SOS2: variants seen among roughly 807,000 people sequenced by gnomAD.
The protein encoded by SOS2 is son of sevenless homolog 2.
A neutral mutation model predicts 148.2 loss-of-function variants in SOS2; 65 were observed. That is an observed-to-expected ratio of 0.44 (90% CI 0.36 to 0.54). The LOEUF is 0.54. SOS2 is among the 20% of genes least tolerant of loss of function. The pLI is 0.00. For synonymous variants in SOS2, 539 were observed against 537.1 expected (o/e 1.00, Z -0.05); for missense variants, 1,341 against 1,590.2 (o/e 0.84, Z 2.67).
chr14:50,225,372 C>T (rs1887337176), intron 1 of SOS2, among the ~76,000 whole-genome samples: 1 of 152,164 alleles, frequency 6.6e-6, no homozygotes. Flanking sequence ...TTACTGTTCC[C>T]TTGAAAGAGA....
At chr14:50,159,201 A>T (rs184759782) in intron 10 of SOS2, among the ~76,000 whole-genome samples, 1 of 152,232 alleles carries the variant, frequency 6.6e-6, no homozygotes, top group African/African-American at 2.4e-5. Context: ...AAAAAAAAAA[A>T]TTCATGAATA....
chr14:50,228,668 T>C (rs1429123330), intron 1 of SOS2, among the ~76,000 whole-genome samples: 1 of 152,214 alleles, frequency 6.6e-6, no homozygotes, highest in Non-Finnish European at 1.5e-5. Flanking sequence ...CAGAGCCAAG[T>C]AAGCTACATT....
intron 18 of SOS2, among the ~76,000 whole-genome samples, chr14:50,136,419 A>G (rs535852040): frequency 6.6e-6 from 1 of 152,280 alleles, no homozygotes; most frequent in East Asian, 1.9e-4. Context: ...TATAAATACT[A>G]AAAGTACTAT....
At chr14:50,196,786 G>T (rs1364880143) in intron 4 of SOS2, among the ~76,000 whole-genome samples, 2 of 152,050 alleles carry the variant, frequency 1.3e-5, no homozygotes, top group Admixed American at 6.6e-5. Context: ...AAATAGGAAG[G>T]GGAAAAGAAA....
intron 21 of SOS2, 121 bp downstream of exon 21, chr14:50,129,835 TAATTA>T (rs1270536114): frequency 5.0e-6 from 3 of 599,626 alleles, no homozygotes; most frequent in Non-Finnish European, 8.9e-6. Context: ...TGTAAGCAAA[TAATTA>T]AATTTATTTA....
chr14:50,169,829 TTTATAGATA>T (rs1193182283), intron 8 of SOS2, among the ~76,000 whole-genome samples: 2 of 152,052 alleles, frequency 1.3e-5, no homozygotes, highest in South Asian at 4.1e-4. Context: ...ATATATTCAC[TTTATAGATA>T]ATACTTTTTT....
At chr14:50,163,672 A>C (rs1379578975) in intron 8 of SOS2, among the ~76,000 whole-genome samples, 4 of 152,238 alleles carry the variant, frequency 2.6e-5, no homozygotes, top group Admixed American at 2.6e-4. Flanking sequence ...TACTGGCAAA[A>C]TCACTTATTT....
intron 1 of SOS2, among the ~76,000 whole-genome samples, chr14:50,212,622 CTGATTA>C (rs1335020056): frequency 1.3e-5 from 2 of 152,176 alleles, no homozygotes; most frequent in Non-Finnish European, 2.9e-5. Flanking sequence ...TACACATTTT[CTGATTA>C]TATGTTACAC....
At chr14:50,178,746 T>A (rs547454443) in intron 7 of SOS2, among the ~76,000 whole-genome samples, 1,489 of 131,722 alleles carry the variant, frequency 0.011, 21 homozygotes, top group Non-Finnish European at 0.018. Context: ...ATATATATAT[T>A]TTTTGGAGAC....
intron 1 of SOS2, among the ~76,000 whole-genome samples, chr14:50,225,221 C>G (rs566229740): frequency 1.3e-5 from 2 of 152,260 alleles, no homozygotes; most frequent in South Asian, 2.1e-4. Context: ...TCCCAAAGTA[C>G]TAGGATTACA....
intron 21 of SOS2, among the ~76,000 whole-genome samples, chr14:50,121,867 T>C (rs1883525832): frequency 6.6e-6 from 1 of 152,200 alleles, no homozygotes; most frequent in African/African-American, 2.4e-5. Flanking sequence ...TGTCCCGTCT[T>C]TGGGAGAACT....
chr14:50,217,448 C>T (rs1887069055), intron 1 of SOS2, among the ~76,000 whole-genome samples: 1 of 151,948 alleles, frequency 6.6e-6, no homozygotes, highest in Admixed American at 6.6e-5. Flanking sequence ...CCTATAATTG[C>T]AAAACTTTGG....
At chr14:50,201,815 C>T (rs748831436) in intron 2 of SOS2, among the ~76,000 whole-genome samples, 2 of 152,158 alleles carry the variant, frequency 1.3e-5, no homozygotes, top group African/African-American at 2.4e-5. Flanking sequence ...ACTCTCCTTT[C>T]GTTAATCTTA....
chr14:50,143,134 A>T (rs1884348330), intron 16 of SOS2, among the ~76,000 whole-genome samples: 1 of 152,146 alleles, frequency 6.6e-6, no homozygotes, highest in Non-Finnish European at 1.5e-5. Flanking sequence ...TCTAAGTTTT[A>T]ATATCTTTAA....
At chr14:50,151,450 AC>A (rs1409067122) in intron 13 of SOS2, among the ~76,000 whole-genome samples, 1 of 152,192 alleles carries the variant, frequency 6.6e-6, no homozygotes, top group Admixed American at 6.5e-5. Context: ...TTGTGATAGT[AC>A]CCATCCAGTC....
chr14:50,157,170 T>TA (rs1884848808), intron 11 of SOS2, 49 bp from the exon 12 acceptor site: 2 of 1,579,602 alleles, frequency 1.3e-6, no homozygotes, highest in African/African-American at 2.7e-5. Flanking sequence ...ATAATGAAAA[T>TA]ACAAGGAGGA....
At chr14:50,138,920 TAA>T (rs2139551938) in intron 17 of SOS2, 136 bp from the exon 18 acceptor site, 2 of 378,428 alleles carry the variant, frequency 5.3e-6, no homozygotes, top group African/African-American at 2.1e-5. Context: ...ACTAAAATGT[TAA>T]GTCTCTGATA....
At chr14:50,231,835 C>T (rs1887563411), upstream of SOS2, among the ~76,000 whole-genome samples, 1 of 152,194 alleles carries the variant, frequency 6.6e-6, no homozygotes, top group African/African-American at 2.4e-5. Context: ...CGCTATGGCG[C>T]GCACAGCGCT....
intron 6 of SOS2, among the ~76,000 whole-genome samples, chr14:50,181,019 AG>A (rs971510563): frequency 4.1e-4 from 63 of 152,382 alleles, no homozygotes; most frequent in African/African-American, 1.4e-3. Context: ...GTGAAGGGAA[AG>A]GGTGAAGAAA....
Sources: gnomAD v4.1 joint callset for allele counts (sites outside exome capture counted in the v4.1 genomes callset) on GRCh38, gnomAD v4.1.1 for gene constraint, MANE v1.5 for transcripts, NCBI Gene and HGNC (gene_info 2026-07-23, HGNC 2026-07-21) for gene names.